The following ADARB2 variants were observed in gnomAD, a reference collection of about 807,000 sequenced individuals.
ADARB2 encodes inactive double-stranded RNA-specific editase B2.
A neutral mutation model predicts 62.2 loss-of-function variants in ADARB2; 25 were observed. The ratio of observed to expected loss-of-function variants is 0.40; its 90% CI spans 0.29 to 0.56. ADARB2 has a LOEUF of 0.56. Ranked by LOEUF, ADARB2 falls within the 20% of genes least tolerant of loss-of-function variation. The pLI is 0.43. For synonymous variants in ADARB2, 572 were observed against 500.8 expected, an observed-to-expected ratio of 1.14 and a Z score of -1.90; for missense variants, 1,071 against 1,077.4, an observed-to-expected ratio of 0.99 and a Z score of 0.08.
chr10:1,374,846 G>C (rs1204194593), intron 2 of ADARB2, among the ~76,000 whole-genome samples: 1 of 152,230 alleles, frequency 6.6e-6, no homozygotes, highest in Non-Finnish European at 1.5e-5. Flanking sequence ...TGCTTCTGGT[G>C]AAGGTTATTC....
At position 1,242,517 on chromosome 10, in the gene ADARB2, A is replaced by G. The variant is rs532090303; in HGVS notation, c.1193-218T>C. On this transcript the variant is annotated intron_variant, in intron 4 of 9. Transcript: ENST00000381312. ...CATCTACTTCATGGTGGCCTGAGAC[A>G]GCGCTCAGAGTGCCTCTGCTATCCT... Among the ~76,000 whole-genome samples, 44 of 152,360 alleles carry G rather than the reference A, an allele frequency of 2.9e-4. 1 individual carries two copies. The highest frequency in any genetic ancestry group is 9.1e-4 in the Admixed American group (14 of 15,310).
rs185457327 is a variant in ADARB2, at chr10:1,366,494, C to T, written c.188-2577G>A. Reference sequence around the variant, plus strand: ...CCTTGCCCCACCCTGAGGCTTGGCTCATGCAGAACCTGGACTTTGCTGCTT... The same window carrying T: ...CCTTGCCCCACCCTGAGGCTTGGCTTATGCAGAACCTGGACTTTGCTGCTT... On this transcript the variant is annotated intron_variant, in intron 2 of 9. Transcript: ENST00000381312. 3.6e-3 allele frequency among the ~76,000 whole-genome samples: 542 copies of T among 152,230 alleles called. 2 individuals are homozygous for T. In the Middle Eastern group the frequency reaches 0.037, roughly 11 times the overall value.
At chr10:1,392,582 C>T (rs1269424137) in intron 1 of ADARB2, among the ~76,000 whole-genome samples, 1 of 152,124 alleles carries the variant, frequency 6.6e-6, no homozygotes, top group African/African-American at 2.4e-5. Flanking sequence ...AGACGAAAGG[C>T]AAGGAGTTCG....
At chr10:1,549,494 G>A (rs1465150631) in intron 1 of ADARB2, among the ~76,000 whole-genome samples, 3 of 152,048 alleles carry the variant, frequency 2.0e-5, no homozygotes, top group Non-Finnish European at 4.4e-5. Flanking sequence ...GGTGCCCGGG[G>A]TTGGTGTTTC....
At chr10:1,259,499 C>T (rs909835260) in intron 4 of ADARB2, among the ~76,000 whole-genome samples, 3 of 152,138 alleles carry the variant, frequency 2.0e-5, no homozygotes, top group African/African-American at 4.8e-5. Flanking sequence ...TACAAACTAC[C>T]ATTAGAGAAT....
chr10:1,554,138 C>T (rs1564328322), intron 1 of ADARB2, among the ~76,000 whole-genome samples: 2 of 152,176 alleles, frequency 1.3e-5, no homozygotes, highest in Non-Finnish European at 2.9e-5. Flanking sequence ...TTCTCTTTCC[C>T]CACCCATCTG....
intron 1 of ADARB2, among the ~76,000 whole-genome samples, chr10:1,733,477 T>C (rs1835259813): frequency 6.6e-6 from 1 of 152,226 alleles, no homozygotes. Flanking sequence ...TGCACTGTTT[T>C]AATAACTAAA....
intron 3 of ADARB2, among the ~76,000 whole-genome samples, chr10:1,275,660 C>A (rs1831309183): frequency 9.0e-6 from 1 of 111,668 alleles, no homozygotes; most frequent in African/African-American, 3.4e-5. Flanking sequence ...CTCCCCCCTC[C>A]CCCCACCCCA....
chr10:1,594,745 G>A (rs1051656714), intron 1 of ADARB2, among the ~76,000 whole-genome samples: 1 of 152,214 alleles, frequency 6.6e-6, no homozygotes, highest in Non-Finnish European at 1.5e-5. Flanking sequence ...GCTGGAGGAC[G>A]CTTAAAGAGC....
At position 1,639,897 on chromosome 10, in the gene ADARB2, A is replaced by AAACAAAC. The variant is rs1164776484; in HGVS notation, c.100+97153_100+97154insGTTTGTT. On this transcript the variant is annotated intron_variant, in intron 1 of 9. Transcript: ENST00000381312. ...ACAAACAAACAAACAAACAAACAAAAACATGAAGAGGGCTCAGGCCAAGCC... is the reference window on the plus strand; with the variant it reads ...ACAAACAAACAAACAAACAAACAAAAAACAAACACATGAAGAGGGCTCAGGCCAAGCC... Among the ~76,000 whole-genome samples, 408 of 150,024 alleles carry AAACAAAC rather than the reference A, an allele frequency of 2.7e-3. 2 individuals are homozygous for AAACAAAC. Among genetic ancestry groups the AAACAAAC allele is most frequent in the African/African-American group, 9.4e-3 (384 of 40,984 alleles).
chr10:1,677,473 A>G (rs187931701), intron 1 of ADARB2, among the ~76,000 whole-genome samples: 93 of 152,258 alleles, frequency 6.1e-4, no homozygotes, highest in African/African-American at 2.1e-3. Flanking sequence ...GCTGTCAGCC[A>G]CACTGAAGGG....
chr10:1,669,757 C>T (rs1834359496), intron 1 of ADARB2, among the ~76,000 whole-genome samples: 1 of 151,252 alleles, frequency 6.6e-6, no homozygotes, highest in Admixed American at 6.6e-5. Flanking sequence ...CAGACACACT[C>T]ATAGAGAAAA....
intron 1 of ADARB2, among the ~76,000 whole-genome samples, chr10:1,620,560 A>G (rs1243156813): frequency 2.6e-5 from 4 of 152,380 alleles, no homozygotes; most frequent in Admixed American, 2.0e-4. Context: ...AAGAAAAAAT[A>G]CTAACAATCT....
At chr10:1,464,831 G>A (rs11593919) in intron 1 of ADARB2, among the ~76,000 whole-genome samples, 9,439 of 132,884 alleles carry the variant, frequency 0.071, 610 homozygotes, top group Middle Eastern at 0.12. Context: ...CAGTCACAGC[G>A]GGCAGTGCAC....
Position 1,363,302 on chromosome 10 carries a change from G to A in ADARB2, c.803C>T (p.Pro268Leu). 1 of 1,232,092 alleles carries A rather than the reference G, an allele frequency of 8.1e-7. No individual in the cohort carries two copies. The allele number at this position is 1,232,092 out of a possible 1,614,324, so 76.3% of individuals were successfully genotyped here. Residue 268 changes from proline to leucine, a missense_variant, in exon 3 of 10, where the codon CCC becomes CTC. By Grantham distance (98) the Pro-to-Leu change is moderately conservative. Coordinates refer to ENST00000381312, the MANE Select transcript of ADARB2 (RefSeq NM_018702.4). ...CRALDLVGPT[P>L]ATPAAPGERN... ...CTCGCCCGGGGCCGCGGGGGTGGCGGGGGTCGGGCCCACCAGGTCCAGCGC... is the reference window on the plus strand; with the variant it reads ...CTCGCCCGGGGCCGCGGGGGTGGCGAGGGTCGGGCCCACCAGGTCCAGCGC...
chr10:1,396,532 C>A (rs1463564315), intron 1 of ADARB2, among the ~76,000 whole-genome samples: 1 of 152,212 alleles, frequency 6.6e-6, no homozygotes, highest in East Asian at 1.9e-4. Context: ...TCCCTGCCAT[C>A]CCCGCCTGCA....
At chr10:1,582,813 C>G (rs1265805094) in intron 1 of ADARB2, among the ~76,000 whole-genome samples, 1 of 152,208 alleles carries the variant, frequency 6.6e-6, no homozygotes, top group Non-Finnish European at 1.5e-5. Context: ...AGCCAGGCCC[C>G]ATTCAGCACC....
chr10:1,550,611 C>A (rs969779250), intron 1 of ADARB2, among the ~76,000 whole-genome samples: 2 of 152,218 alleles, frequency 1.3e-5, no homozygotes, highest in Admixed American at 1.3e-4. Flanking sequence ...GAGGTTGCAG[C>A]CACACAGACC....
At chr10:1,306,365 C>T (rs1447464849) in intron 3 of ADARB2, among the ~76,000 whole-genome samples, 1 of 151,614 alleles carries the variant, frequency 6.6e-6, no homozygotes, top group Non-Finnish European at 1.5e-5. Context: ...ATGTGAAGGA[C>T]CTCTTCAAGG....
Sources: gnomAD v4.1 joint callset for allele counts (sites outside exome capture counted in the v4.1 genomes callset) on GRCh38, gnomAD v4.1.1 for gene constraint, MANE v1.5 for transcripts, NCBI Gene and HGNC (gene_info 2026-07-23, HGNC 2026-07-21) for gene names.